Variants in PALM3 observed in about 807,000 individuals in gnomAD.
PALM3 encodes paralemmin-3.
Under a neutral mutation model 27.9 loss-of-function variants are expected in PALM3, and 20 were observed. The observed-to-expected ratio is 0.72, with a 90% CI of 0.50 to 1.04. The LOEUF (loss-of-function observed/expected upper bound fraction) is 1.04, where lower values mean the gene tolerates loss of function less well. PALM3 is among the 50% of genes least tolerant of loss of function. The probability of loss-of-function intolerance (pLI) is 0.00; values close to 1 mark genes in which losing one functional copy is unlikely to be tolerated. For missense variants in PALM3, 814 were observed against 869.4 expected (o/e 0.94, Z 0.80); for synonymous variants, 328 against 352.7 (o/e 0.93, Z 0.79).
At chr19:14,060,791 C>T (rs1976401163) in intron 1 of PALM3, among the ~76,000 whole-genome samples, 1 of 152,040 alleles carries the variant, frequency 6.6e-6, no homozygotes, top group Admixed American at 6.6e-5. Flanking sequence ...GTCGGAGTCT[C>T]GCTCTGTCAC....
At chr19:14,061,784 T>A (rs1282118164) in intron 1 of PALM3, among the ~76,000 whole-genome samples, 156 bp downstream of exon 1, 2 of 151,962 alleles carry the variant, frequency 1.3e-5, no homozygotes, top group Non-Finnish European at 2.9e-5. Flanking sequence ...AGGGTGACAC[T>A]GATGAGCCTA....
At chr19:14,060,465 T>C (rs1411010394) in intron 1 of PALM3, among the ~76,000 whole-genome samples, 5 of 152,002 alleles carry the variant, frequency 3.3e-5, no homozygotes, top group Non-Finnish European at 5.9e-5. Flanking sequence ...CAGCCAACCA[T>C]TAGCTAGCCC....
intron 1 of PALM3, among the ~76,000 whole-genome samples, chr19:14,061,460 G>A (rs752727003): frequency 2.7e-4 from 41 of 152,308 alleles, no homozygotes; most frequent in Middle Eastern, 3.4e-3. Context: ...TAGGCGGCCT[G>A]GGCTTCTGGC....
In PALM3 at chr19:14,054,083, A is replaced by C. The variant is rs1599306795; in HGVS notation, c.1589T>G (p.Leu530Arg). 1 of 1,550,510 alleles carries C rather than the reference A, an allele frequency of 6.4e-7. No homozygotes were observed. The highest frequency in any genetic ancestry group is 1.4e-5 in the African/African-American group (1 of 72,530). Reference sequence around the variant, plus strand: ...CTCACCTCCCCTTTTCTCTGCCTCCAGTGTCTCCTCCCCTCCCTTTCTCTC... The same window carrying C: ...CTCACCTCCCCTTTTCTCTGCCTCCCGTGTCTCCTCCCCTCCCTTTCTCTC... ...EAERKGGEET[L>R]EAEKRGGEES... The change falls in exon 7 of 7, where the codon CTG (leucine) becomes CGG (arginine). Residue 530 changes from leucine (L) to arginine (R), a missense_variant. Physicochemically the swap from Leu to Arg is moderately radical, Grantham distance 102. Transcript: ENST00000669674.
chr19:14,058,902 C>G (rs1468757178), intron 2 of PALM3, among the ~76,000 whole-genome samples: 1 of 151,818 alleles, frequency 6.6e-6, no homozygotes, highest in Non-Finnish European at 1.5e-5. Flanking sequence ...ATAGCCGATG[C>G]AGGCTCTGGA....
rs1431999755 is a variant in PALM3 at position 14,053,721 on chromosome 19, C to T, written c.1951G>A (p.Ala651Thr). 9 of 1,523,870 alleles carry T rather than the reference C, an allele frequency of 5.9e-6. No homozygotes were observed. The Admixed American group carries it at 1.7e-4, about 29-fold the overall frequency. The allele number at this position is 1,523,870 out of a possible 1,614,324, so 94.4% of individuals were successfully genotyped here. The stretch of plus-strand genomic sequence containing the variant: ...GGCGCGTAGGTGGGCACAGGGTGGG[C>T]ACTGGGGTTGGCGCTGGGCCCCTCC... Reference protein sequence around the residue: ...QGEGPSANPSAHPVPTYAPAR... With the variant: ...QGEGPSANPSTHPVPTYAPAR... Residue 651 changes from alanine to threonine, a missense_variant, in exon 7 of 7, where the codon GCC becomes ACC. Transcript: ENST00000669674.
Position 14,056,423 on chromosome 19 carries a change from C to T in PALM3, c.399+6G>A. 1 of 1,548,814 alleles carries T rather than the reference C, an allele frequency of 6.5e-7. No individual in the cohort carries two copies. The highest frequency in any genetic ancestry group is 8.7e-7 in the Non-Finnish European group (1 of 1,144,602). On this transcript the variant is annotated splice_donor_region_variant and intron_variant, in intron 5 of 6. Coordinates refer to ENST00000669674, the MANE Select transcript of PALM3 (RefSeq NM_001145028.2). ...TCCCATCCCACTCCCCTGATTCCCCCCTCACCTGTCTGCGCCAGCTGGGCC... is the reference window on the plus strand; with the variant it reads ...TCCCATCCCACTCCCCTGATTCCCCTCTCACCTGTCTGCGCCAGCTGGGCC...
chr19:14,057,924 A>G (rs1976341044), intron 2 of PALM3, among the ~76,000 whole-genome samples: 1 of 152,258 alleles, frequency 6.6e-6, no homozygotes, highest in South Asian at 2.1e-4. Flanking sequence ...CCTGGCCAAC[A>G]TGGTGAAAAC....
chr19:14,059,289 T>G (rs2145706627), intron 1 of PALM3, 126 bp from the exon 2 acceptor site: 2 of 916,792 alleles, frequency 2.2e-6, no homozygotes, highest in South Asian at 2.3e-5. Flanking sequence ...CCTTTGCACC[T>G]GGGAAGAGTC....
rs1037404441 is a variant in PALM3, at chr19:14,054,447, C to A, written c.1225G>T (p.Glu409Ter). ...ATGGATTCTTCCGCTTTTCTCTTCTCTGCCTCCCAGGTCTCCTCGCCTCCT... is the reference window on the plus strand; with the variant it reads ...ATGGATTCTTCCGCTTTTCTCTTCTATGCCTCCCAGGTCTCCTCGCCTCCT... ...TGGGEETWEA[E>*]KRKAEESMGI... The change falls in exon 7 of 7, where the codon GAG becomes TAG. Residue 409 changes from glutamate to a stop codon, truncating the protein, a stop_gained. Coordinates refer to ENST00000669674, the MANE Select transcript of PALM3 (RefSeq NM_001145028.2). LOFTEE classifies it low-confidence loss of function (END_TRUNC). 1 of 1,551,736 alleles carries A rather than the reference C, an allele frequency of 6.4e-7. No homozygotes were observed. The highest frequency in any genetic ancestry group is 1.4e-5 in the African/African-American group (1 of 73,008).
chr19:14,054,218 C>T lies in PALM3; in HGVS notation c.1454G>A (p.Gly485Glu). 6.4e-7 allele frequency: 1 copy of T among 1,552,004 alleles called. No homozygotes were observed. Reference sequence around the variant, plus strand: ...CTCTGCCCCTCGCTTTTCCTCATCTCCTTCCTTCTCTGCCCTCAAATGTCC... The same window carrying T: ...CTCTGCCCCTCGCTTTTCCTCATCTTCTTCCTTCTCTGCCCTCAAATGTCC... ...VEGHLRAEKE[G>E]DEEKRGAEEE... Residue 485 changes from glycine (G) to glutamate (E), a missense_variant, in exon 7 of 7, where the codon GGA (glycine) becomes GAA (glutamate). By Grantham distance (98) the Gly-to-Glu change is moderately conservative. Transcript: ENST00000669674.
intron 3 of PALM3, 87 bp from the exon 4 acceptor site, chr19:14,056,891 G>A (rs1599309185): frequency 5.1e-6 from 7 of 1,366,526 alleles, no homozygotes; most frequent in Non-Finnish European, 6.8e-6. Context: ...GGCTGGGCAG[G>A]TATCTTATCA....
chr19:14,057,527 C>T, intron 2 of PALM3, 96 bp from the exon 3 acceptor site: 1 of 1,039,700 alleles, frequency 9.6e-7, no homozygotes, highest in East Asian at 3.4e-5. Flanking sequence ...CGGGGCTCAC[C>T]GGAGCTCCCG....
chr19:14,059,099 G>A lies in PALM3; in HGVS notation c.90+16C>T. On this transcript the variant is annotated intron_variant, in intron 2 of 6. Transcript: ENST00000669674. ...AAGTTTGGGGGTGCCCAGGGCGCGG[G>A]GAGGGCGTCACTTACAGCGATGACT... 2 of 1,456,116 alleles carry A rather than the reference G, an allele frequency of 1.4e-6. No individual in the cohort carries two copies. Among genetic ancestry groups the A allele is most frequent in the South Asian group, 1.4e-5 (1 of 71,910 alleles). The allele number at this position is 1,456,116 out of a possible 1,614,324, so 90.2% of individuals were successfully genotyped here.
At position 14,055,024 on chromosome 19, in the gene PALM3, C is replaced by G. The variant is rs1222543829; in HGVS notation, c.648G>C (p.Arg216Ser). The G allele has an allele frequency of 6.5e-7, 1 of 1,550,352 alleles. No homozygotes were observed. The change falls in exon 7 of 7, where the codon AGG (arginine) becomes AGC (serine). Residue 216 changes from arginine (R) to serine (S), a missense_variant. Transcript: ENST00000669674. ...IPTPEQGLSQ[R>S]AVPSEGRVGE... is the part of the protein sequence containing the mutation. ...CCACCCGCCCTTCGGATGGCACTGC[C>G]CTCTGACTTAGCCCCTGCTCTGGAG...
At chr19:14,055,795 G>A (rs1380306236) in intron 5 of PALM3, among the ~76,000 whole-genome samples, 1 of 152,098 alleles carries the variant, frequency 6.6e-6, no homozygotes. Flanking sequence ...GTGTCGCCCA[G>A]GCTGGAGTGC....
rs1599309460 is a variant in PALM3 at position 14,057,391 on chromosome 19, C to T, written c.131G>A (p.Arg44Gln). The T allele has an allele frequency of 5.2e-6, 8 of 1,544,446 alleles. No homozygotes were observed. Among genetic ancestry groups the T allele is most frequent in the South Asian group, 4.8e-5 (4 of 83,838 alleles). Reference sequence around the variant, plus strand: ...GCGGAGTTTCTCCTCCTCCACCTCCCGGCGCGCGGCGCGGATCTCCTCCTG... The same window carrying T: ...GCGGAGTTTCTCCTCCTCCACCTCCTGGCGCGCGGCGCGGATCTCCTCCTG... ...RLQEEIRAAR[R>Q]EVEEEKLRVE... Residue 44 changes from arginine to glutamine, a missense_variant, in exon 3 of 7, where the codon CGG (arginine) becomes CAG (glutamine). Transcript: ENST00000669674.
At chr19:14,059,737 C>G (rs1219748133) in intron 1 of PALM3, among the ~76,000 whole-genome samples, 1 of 152,080 alleles carries the variant, frequency 6.6e-6, no homozygotes, top group South Asian at 2.1e-4. Context: ...GGGGGGCAAG[C>G]GAGTCTGTGG....
rs555238835 is a variant in PALM3, at chr19:14,054,256, C to T, written c.1416G>A (p.Glu472=). The T allele has an allele frequency of 3.6e-5, 56 of 1,552,186 alleles. No homozygotes were observed. In the East Asian group the frequency reaches 1.4e-3, roughly 38 times the overall value. The change falls in exon 7 of 7, where the codon GAG becomes GAA. Residue 472 remains glutamate (E), a synonymous_variant. Coordinates refer to ENST00000669674, the MANE Select transcript of PALM3 (RefSeq NM_001145028.2). Reference sequence around the variant, plus strand: ...CCCTCAAATGTCCCTCAACTTTTCTCTCTATGCCCAGTGGTTCCTCACCTC... The same window carrying T: ...CCCTCAAATGTCCCTCAACTTTTCTTTCTATGCCCAGTGGTTCCTCACCTC... The part of the protein sequence containing the change: ...REGGEEPLGI[E]RKVEGHLRAE...
Sources: allele counts gnomAD v4.1 joint callset (sites outside exome capture counted in the v4.1 genomes callset), GRCh38; gene constraint gnomAD v4.1.1; transcripts MANE v1.5; gene names NCBI Gene and HGNC (gene_info 2026-07-23, HGNC 2026-07-21).